RSRC1: variants seen among roughly 807,000 people sequenced by gnomAD.
RSRC1 encodes arginine and serine rich coiled-coil 1.
A neutral mutation model predicts 49.1 loss-of-function variants in RSRC1; 39 were observed. The ratio of observed to expected loss-of-function variants is 0.79; its 90% confidence interval spans 0.61 to 1.04. RSRC1 has a LOEUF of 1.04. Among genes scored for constraint, RSRC1 ranks in the 50% least tolerant of loss-of-function variants. The probability of loss-of-function intolerance (pLI) is 0.00; values close to 1 mark genes in which losing one functional copy is unlikely to be tolerated. For missense variants in RSRC1, 388 were observed against 402.4 expected (o/e 0.96, Z 0.31); for synonymous variants, 143 against 130.8 (o/e 1.09, Z -0.63).
chr3:158,282,402 A>G (rs1222150096), intron 4 of RSRC1, among the ~76,000 whole-genome samples: 5 of 152,176 alleles, frequency 3.3e-5, no homozygotes, highest in Non-Finnish European at 7.3e-5. Context: ...AACTTAGCCA[A>G]TGAATAAAGC....
At chr3:158,270,774 C>T (rs1277464966) in intron 4 of RSRC1, among the ~76,000 whole-genome samples, 1 of 152,022 alleles carries the variant, frequency 6.6e-6, no homozygotes, top group Non-Finnish European at 1.5e-5. Context: ...AATTTATTTG[C>T]AATGACAAAG....
At chr3:158,155,359 G>A (rs138587376) in intron 3 of RSRC1, among the ~76,000 whole-genome samples, 1,698 of 152,232 alleles carry the variant, frequency 0.011, 12 homozygotes, top group Non-Finnish European at 0.018. Flanking sequence ...AGCAGACATG[G>A]AAACAATATT....
chr3:158,543,666 A>G (rs1347412746), intron 9 of RSRC1, 179 bp downstream of exon 9: 3 of 537,788 alleles, frequency 5.6e-6, no homozygotes, highest in Non-Finnish European at 9.4e-6. Context: ...ATTTGAATAC[A>G]GTAGGGTCCA....
rs146178897 is a variant in RSRC1, at chr3:158,542,545, A to C, written c.760-790A>C. On this transcript the variant is annotated intron_variant, in intron 8 of 9. Coordinates refer to ENST00000611884, the MANE Select transcript of RSRC1 (RefSeq NM_001271838.2). ...GTAAGACTCTGTCTCAAAAGAAAAA[A>C]TTATGCTAAATGAAAGAACCAGTCA... 8.0e-3 allele frequency among the ~76,000 whole-genome samples: 1,215 copies of C among 152,300 alleles called. 22 individuals are homozygous for C. The highest frequency in any genetic ancestry group is 0.027 in the African/African-American group (1,138 of 41,562).
intron 6 of RSRC1, among the ~76,000 whole-genome samples, chr3:158,418,367 CAGGG>C (rs1734860159): frequency 6.6e-6 from 1 of 151,966 alleles, no homozygotes; most frequent in South Asian, 2.1e-4. Flanking sequence ...TCTGGAGAAA[CAGGG>C]AGAATACTTG....
chr3:158,180,962 G>T (rs1341695729), intron 3 of RSRC1, among the ~76,000 whole-genome samples: 1 of 151,576 alleles, frequency 6.6e-6, no homozygotes, highest in East Asian at 1.9e-4. Context: ...CCACCACCAC[G>T]CCCGGCTAAT....
chr3:158,346,636 G>T (rs773611428), intron 5 of RSRC1, among the ~76,000 whole-genome samples: 31 of 152,280 alleles, frequency 2.0e-4, no homozygotes, highest in Non-Finnish European at 2.8e-4. Context: ...CCAAGTGATG[G>T]TTGGGATGTA....
At chr3:158,275,322 C>T (rs1725745804) in intron 4 of RSRC1, among the ~76,000 whole-genome samples, 1 of 152,162 alleles carries the variant, frequency 6.6e-6, no homozygotes, top group Non-Finnish European at 1.5e-5. Context: ...CCATAATTTT[C>T]TAAATATAAT....
chr3:158,394,088 T>A (rs1457916887), intron 6 of RSRC1, among the ~76,000 whole-genome samples: 1 of 152,072 alleles, frequency 6.6e-6, no homozygotes, highest in Admixed American at 6.6e-5. Flanking sequence ...GAAAAGGCTT[T>A]TGATAAATTC....
chr3:158,306,057 G>A (rs1418439039), intron 5 of RSRC1, among the ~76,000 whole-genome samples: 1 of 151,760 alleles, frequency 6.6e-6, no homozygotes, highest in Non-Finnish European at 1.5e-5. Flanking sequence ...AGAACATTTT[G>A]TCCTTTATCT....
intron 7 of RSRC1, among the ~76,000 whole-genome samples, chr3:158,470,361 CATATAT>C (rs59508977): frequency 0.022 from 2,241 of 100,258 alleles, 53 homozygotes; most frequent in African/African-American, 0.056. Flanking sequence ...CACACACACA[CATATAT>C]ATATATATAT....
At chr3:158,424,565 C>T (rs1490005817) in intron 6 of RSRC1, among the ~76,000 whole-genome samples, 2 of 150,666 alleles carry the variant, frequency 1.3e-5, no homozygotes, top group Non-Finnish European at 3.0e-5. Flanking sequence ...CTCTGCCCGG[C>T]TTTGGTATCA....
At chr3:158,345,352 A>T (rs966998788) in intron 5 of RSRC1, among the ~76,000 whole-genome samples, 1 of 152,190 alleles carries the variant, frequency 6.6e-6, no homozygotes, top group East Asian at 1.9e-4. Context: ...TTCAGATTGT[A>T]TAATAAAGCA....
chr3:158,161,128 T>C (rs1355839777), intron 3 of RSRC1, among the ~76,000 whole-genome samples: 3 of 152,160 alleles, frequency 2.0e-5, no homozygotes, highest in East Asian at 3.9e-4. Context: ...ATTGACACAA[T>C]AATGCTGCAT....
At chr3:158,249,351 A>G (rs1239837955) in intron 4 of RSRC1, among the ~76,000 whole-genome samples, 3 of 152,180 alleles carry the variant, frequency 2.0e-5, no homozygotes, top group East Asian at 1.9e-4. Context: ...AGAGCTTTCT[A>G]TAAATAAAAT....
chr3:158,182,166 A>C (rs1180238239), intron 3 of RSRC1, among the ~76,000 whole-genome samples: 1 of 152,116 alleles, frequency 6.6e-6, no homozygotes, highest in Non-Finnish European at 1.5e-5. Context: ...CAAAGATATG[A>C]AGGAGGTGAG....
At chr3:158,113,081 T>C (rs1714522123) in intron 1 of RSRC1, among the ~76,000 whole-genome samples, 1 of 152,002 alleles carries the variant, frequency 6.6e-6, no homozygotes, top group Admixed American at 6.6e-5. Context: ...TCTTTGCTAT[T>C]GTGAATAATG....
intron 4 of RSRC1, among the ~76,000 whole-genome samples, chr3:158,248,358 G>A (rs1426738088): frequency 6.6e-6 from 1 of 152,024 alleles, no homozygotes; most frequent in Non-Finnish European, 1.5e-5. Flanking sequence ...TCACAATGTT[G>A]CATATATCAG....
chr3:158,354,942 G>C (rs1183684979), intron 6 of RSRC1, 34 bp downstream of exon 6: 2 of 1,435,468 alleles, frequency 1.4e-6, no homozygotes, highest in East Asian at 5.0e-5. Flanking sequence ...ATTAAATGAA[G>C]AAGTGACGAG....
Sources: allele counts gnomAD v4.1 joint callset (sites outside exome capture counted in the v4.1 genomes callset), GRCh38; gene constraint gnomAD v4.1.1; transcripts MANE v1.5; gene names NCBI Gene and HGNC (gene_info 2026-07-23, HGNC 2026-07-21).